Variants in CCDC3 observed in about 807,000 individuals in gnomAD.
The protein encoded by CCDC3 is coiled-coil domain-containing protein 3.
A neutral mutation model predicts 21.4 loss-of-function variants in CCDC3; 24 were observed. The ratio of observed to expected loss-of-function variants is 1.12; its 90% confidence interval spans 0.81 to 1.58. CCDC3 has a LOEUF of 1.58. Among genes scored for constraint, CCDC3 ranks in the 40% most tolerant of loss-of-function variants. The probability of loss-of-function intolerance (pLI) is 0.00; values close to 1 mark genes in which losing one functional copy is unlikely to be tolerated. For missense variants in CCDC3, 425 were observed against 360.9 expected, an observed-to-expected ratio of 1.18 and a Z score of -1.44; for synonymous variants, 186 against 166.0, an observed-to-expected ratio of 1.12 and a Z score of -0.93.
chr10:12,937,838 C>T (rs1834764885), intron 2 of CCDC3, among the ~76,000 whole-genome samples: 2 of 152,222 alleles, frequency 1.3e-5, no homozygotes, highest in South Asian at 4.1e-4. Flanking sequence ...TCTCCAGTGT[C>T]TGCCATCATT....
intron 2 of CCDC3, among the ~76,000 whole-genome samples, chr10:12,918,747 G>A (rs1415229078): frequency 2.6e-5 from 4 of 152,030 alleles, no homozygotes; most frequent in African/African-American, 7.2e-5. Context: ...ATACATTATC[G>A]AGTAGAAAAA....
chr10:12,982,688 G>A (rs1456148035), intron 2 of CCDC3, among the ~76,000 whole-genome samples: 2 of 146,842 alleles, frequency 1.4e-5, no homozygotes, highest in African/African-American at 2.5e-5. Context: ...CAGCTACTCA[G>A]GAGGCTGAGG....
In CCDC3 at chr10:13,028,948, CA is replaced by C. The variant is rs201668925; in HGVS notation, c.-2+20725del. Among the ~76,000 whole-genome samples the C allele has an allele frequency of 1.0e-3, 154 of 152,256 alleles. 1 individual carries two copies. The East Asian group carries it at 0.025, about 24-fold the overall frequency. On this transcript the variant is annotated intron_variant, in intron 5 of 6. Transcript: ENST00000378839. ...ACCATAGCACCTGCAAAATGACATC[CA>C]TAATTCCAGCTGCCAGCAGATGCTT...
At chr10:13,058,138 G>T in intron 4 of CCDC3, 2 of 866,734 alleles carry the variant, frequency 2.3e-6, no homozygotes, top group South Asian at 1.3e-5. Context: ...CATAACCAGG[G>T]AATCATTTGG....
At chr10:13,074,153 A>ATATATATTTTT (rs1365749317) in intron 3 of CCDC3, 1 of 64,292 alleles carries the variant, frequency 1.6e-5, no homozygotes, top group South Asian at 6.8e-4. Flanking sequence ...ATATATATAT[A>ATATATATTTTT]TTTTTTTTTT....
At chr10:13,052,942 A>T (rs1331182548) in intron 4 of CCDC3, among the ~76,000 whole-genome samples, 19 of 35,502 alleles carry the variant, frequency 5.4e-4, no homozygotes, top group African/African-American at 1.9e-3. Context: ...ACTCTGTCAC[A>T]CACACACACA....
chr10:12,995,614 C>G (rs1002802012), intron 2 of CCDC3, among the ~76,000 whole-genome samples: 1 of 152,156 alleles, frequency 6.6e-6, no homozygotes, highest in African/African-American at 2.4e-5. Flanking sequence ...ACGGCACAAG[C>G]AGAGGTCTGG....
chr10:12,934,881 G>A (rs1380978562), intron 2 of CCDC3, among the ~76,000 whole-genome samples: 2 of 151,676 alleles, frequency 1.3e-5, no homozygotes, highest in African/African-American at 2.4e-5. Context: ...TTCCTACCTC[G>A]GCCTCCCACA....
chr10:12,930,867 G>A (rs1013990470), intron 2 of CCDC3, among the ~76,000 whole-genome samples: 1 of 152,144 alleles, frequency 6.6e-6, no homozygotes, highest in Non-Finnish European at 1.5e-5. Flanking sequence ...GGGCTTTGGA[G>A]ATGTCTGTCC....
chr10:12,999,996 T>G (rs141483654), intron 1 of CCDC3, among the ~76,000 whole-genome samples: 26 of 152,346 alleles, frequency 1.7e-4, no homozygotes, highest in Middle Eastern at 3.4e-3. Context: ...AGACGTGTTT[T>G]TTAAACTTAG....
chr10:12,920,409 C>T (rs1834432271), intron 2 of CCDC3, among the ~76,000 whole-genome samples: 1 of 152,138 alleles, frequency 6.6e-6, no homozygotes, highest in Non-Finnish European at 1.5e-5. Context: ...CAAACCACAT[C>T]ACTAAGGCTT....
rs1244371474 is a variant in CCDC3, at chr10:13,052,983, CACAT to C, written c.-269-3046_-269-3043del. Among the ~76,000 whole-genome samples the C allele has an allele frequency of 1.1e-3, 90 of 81,342 alleles. 1 individual carries two copies. The highest frequency in any genetic ancestry group is 2.7e-3 in the African/African-American group (55 of 20,260). The allele number at this position is 81,342 out of a possible 152,430, so 53.4% of individuals were successfully genotyped here. A position where few individuals can be genotyped will look rare whatever the true frequency, so the allele number is the denominator to read the frequency against. On this transcript the variant is annotated intron_variant, in intron 4 of 6. Coordinates refer to the CCDC3 transcript ENST00000378839. ...ACACACACACACACACACACACACA[CACAT>C]ACACACACACACCTAGAAGTTCCAA...
chr10:13,041,503 A>ATTT (rs1836453424), intron 5 of CCDC3, among the ~76,000 whole-genome samples: 1 of 84,124 alleles, frequency 1.2e-5, no homozygotes, highest in African/African-American at 6.2e-5. Context: ...TCTGGCAGAT[A>ATTT]ATTTTTTTTT....
intron 2 of CCDC3, among the ~76,000 whole-genome samples, chr10:12,948,055 C>T (rs1365807500): frequency 6.6e-6 from 1 of 152,200 alleles, no homozygotes; most frequent in Non-Finnish European, 1.5e-5. Context: ...CAAATCTCAC[C>T]TTGAATTGTA....
At chr10:12,992,256 G>T (rs144292579) in intron 2 of CCDC3, among the ~76,000 whole-genome samples, 1 of 152,008 alleles carries the variant, frequency 6.6e-6, no homozygotes, top group East Asian at 1.9e-4. Flanking sequence ...TGGCCGTGGT[G>T]CTGGGCGCCT....
intron 2 of CCDC3, among the ~76,000 whole-genome samples, chr10:12,972,027 C>T (rs747937194): frequency 7.9e-5 from 12 of 152,094 alleles, no homozygotes; most frequent in South Asian, 6.2e-4. Flanking sequence ...CCTGCCTCTC[C>T]TAATGCTGCC....
chr10:12,983,280 A>G (rs527374345), intron 2 of CCDC3, among the ~76,000 whole-genome samples: 1 of 150,866 alleles, frequency 6.6e-6, no homozygotes, highest in African/African-American at 2.4e-5. Flanking sequence ...TGCAAAGAAG[A>G]ATTTGAAAAC....
At chr10:13,033,451 A>T (rs1836332450) in intron 5 of CCDC3, among the ~76,000 whole-genome samples, 1 of 152,228 alleles carries the variant, frequency 6.6e-6, no homozygotes, top group African/African-American at 2.4e-5. Flanking sequence ...CATGTCTAAA[A>T]CACCAAAAGC....
chr10:13,042,683 C>T (rs1454602723), intron 5 of CCDC3, among the ~76,000 whole-genome samples: 1 of 150,990 alleles, frequency 6.6e-6, no homozygotes, highest in Non-Finnish European at 1.5e-5. Context: ...CTGAGGTGGG[C>T]GGATCACGAG....
Sources: gnomAD v4.1 joint callset for allele counts (sites outside exome capture counted in the v4.1 genomes callset) on GRCh38, gnomAD v4.1.1 for gene constraint, MANE v1.5 for transcripts, NCBI Gene and HGNC (gene_info 2026-07-23, HGNC 2026-07-21) for gene names.